SLC27A1: variants seen among roughly 807,000 people sequenced by gnomAD.
The protein encoded by SLC27A1 is solute carrier family 27 member 1.
A neutral mutation model predicts 62.2 loss-of-function variants in SLC27A1; 61 were observed. The observed-to-expected ratio is 0.98, with a 90% CI of 0.80 to 1.21. SLC27A1 has a LOEUF of 1.21. Ranked by LOEUF, SLC27A1 falls within the 50% of genes most tolerant of loss-of-function variation. The pLI, the probability that SLC27A1 is intolerant of heterozygous loss-of-function variation, is 0.00. For missense variants in SLC27A1, 903 were observed against 932.1 expected (o/e 0.97, Z 0.41); for synonymous variants, 435 against 408.6 (o/e 1.06, Z -0.78).
intron 6 of SLC27A1, among the ~76,000 whole-genome samples, chr19:17,489,592 C>T (rs999194527): frequency 1.7e-4 from 26 of 152,204 alleles, no homozygotes; most frequent in Non-Finnish European, 3.2e-4. Flanking sequence ...AAGGCAATGC[C>T]TTCCCCATGC....
intron 1 of SLC27A1, among the ~76,000 whole-genome samples, chr19:17,477,967 G>A (rs1877327180): frequency 6.6e-6 from 1 of 152,040 alleles, no homozygotes. Context: ...CCCTGTCTTG[G>A]CCTCCCAGAG....
At chr19:17,490,010 G>A (rs981189226) in intron 6 of SLC27A1, 3 of 152,340 alleles carry the variant, frequency 2.0e-5, no homozygotes, top group Non-Finnish European at 4.4e-5. Context: ...AGCAGGGGTT[G>A]GGGGCTCTGG....
At chr19:17,502,791 T>A (rs908926396) in intron 11 of SLC27A1, among the ~76,000 whole-genome samples, 1 of 152,022 alleles carries the variant, frequency 6.6e-6, no homozygotes, top group African/African-American at 2.4e-5. Context: ...GTTCAAATGA[T>A]CCTCCCACCT....
chr19:17,470,317 G>T (rs1260312319), upstream of SLC27A1: 1 of 508,870 alleles, frequency 2.0e-6, no homozygotes, highest in African/African-American at 2.0e-5. Context: ...GTTAGCGGGC[G>T]GGTGTAAAAG....
At chr19:17,481,150 C>G (rs1459877052) in intron 1 of SLC27A1, among the ~76,000 whole-genome samples, 1 of 151,520 alleles carries the variant, frequency 6.6e-6, no homozygotes, top group Non-Finnish European at 1.5e-5. Context: ...GTCTCGAACT[C>G]CCAACCTCAG....
chr19:17,485,725 G>A (rs2075222867), intron 1 of SLC27A1, among the ~76,000 whole-genome samples: 1 of 151,832 alleles, frequency 6.6e-6, no homozygotes, highest in Admixed American at 6.6e-5. Flanking sequence ...AGCTACTGTG[G>A]AGGCTGAGGC....
At chr19:17,469,421 T>C (rs906232376), upstream of SLC27A1, among the ~76,000 whole-genome samples, 2 of 151,604 alleles carry the variant, frequency 1.3e-5, no homozygotes, top group African/African-American at 4.8e-5. Context: ...TGGGATATTT[T>C]TGGTCCCCCG....
chr19:17,476,883 G>GTT (rs71162144), intron 1 of SLC27A1, among the ~76,000 whole-genome samples: 4,314 of 130,768 alleles, frequency 0.033, 262 homozygotes, highest in Non-Finnish European at 0.051. Flanking sequence ...ATGATCATCT[G>GTT]TTTTTTTTTT....
intron 6 of SLC27A1, among the ~76,000 whole-genome samples, chr19:17,489,509 G>A (rs1199689740): frequency 6.6e-6 from 1 of 152,076 alleles, no homozygotes; most frequent in Non-Finnish European, 1.5e-5. Context: ...TTGGAGGGTG[G>A]ACCCATTTTG....
intron 7 of SLC27A1, chr19:17,499,995 C>G: frequency 2.1e-6 from 1 of 482,408 alleles, no homozygotes; most frequent in Non-Finnish European, 3.7e-6. Flanking sequence ...AGTGTCCACA[C>G]AGAGGCATCT....
At position 17,470,552 on chromosome 19, in the gene SLC27A1, G is replaced by C. The variant is rs1389109886; in HGVS notation, c.12G>C (p.Pro4=). 1.3e-6 allele frequency: 2 copies of C among 1,560,142 alleles called. No individual in the cohort carries two copies. The highest frequency in any genetic ancestry group is 2.4e-5 in the East Asian group (1 of 42,156). The change falls in exon 1 of 12, where the codon CCG becomes CCC. Residue 4 remains proline (P), a synonymous_variant. Transcript: ENST00000252595. MRA[P]GAGAASVVSL... ...TCTGCTTCCCCAGGATGCGGGCTCCGGGTGCGGGCGCGGCCTCGGTGGTCT... is the reference window on the plus strand; with the variant it reads ...TCTGCTTCCCCAGGATGCGGGCTCCCGGTGCGGGCGCGGCCTCGGTGGTCT...
intron 1 of SLC27A1, among the ~76,000 whole-genome samples, chr19:17,482,653 A>G (rs2075190292): frequency 7.2e-6 from 1 of 138,860 alleles, no homozygotes; most frequent in African/African-American, 3.0e-5. Flanking sequence ...TCTGTCTCAA[A>G]AAAAAAAAAA....
chr19:17,490,406 G>A (rs148167714), intron 6 of SLC27A1, among the ~76,000 whole-genome samples: 5,881 of 151,994 alleles, frequency 0.039, 370 homozygotes, highest in African/African-American at 0.13. Flanking sequence ...CACCCACCTC[G>A]GACTCCCAAA....
chr19:17,504,449 C>T lies in SLC27A1; in HGVS notation c.1784-6C>T, dbSNP rs757788145. On this transcript the variant is annotated splice_region_variant and splice_polypyrimidine_tract_variant and intron_variant, in intron 11 of 11. Transcript: ENST00000252595. The stretch of plus-strand genomic sequence containing the variant: ...AGCCCTTATCTGCCCCCCATCCCCA[C>T]TATAGGCACCTTCAAGATCCAGAAG... The T allele has an allele frequency of 5.0e-6, 8 of 1,614,018 alleles. No individual in the cohort carries two copies. The African/African-American group carries it at 9.3e-5, about 19-fold the overall frequency.
intron 1 of SLC27A1, among the ~76,000 whole-genome samples, chr19:17,472,347 A>C (rs2075084639): frequency 6.7e-6 from 1 of 149,972 alleles, no homozygotes; most frequent in Non-Finnish European, 1.5e-5. Flanking sequence ...GTGAGCGGAG[A>C]TCATGCCACT....
rs529891703 is a variant in SLC27A1 at position 17,479,026 on chromosome 19, G to A, written c.168-7537G>A. On this transcript the variant is annotated intron_variant, in intron 1 of 11. Coordinates refer to ENST00000252595, the MANE Select transcript of SLC27A1 (RefSeq NM_198580.3). ...GCAGGAGGATCACTTGAGCCCTGGAGTTTGAGGCCGTAGTGAGTTATAATG... is the reference window on the plus strand; with the variant it reads ...GCAGGAGGATCACTTGAGCCCTGGAATTTGAGGCCGTAGTGAGTTATAATG... 4.6e-5 allele frequency among the ~76,000 whole-genome samples: 7 copies of A among 152,184 alleles called. No individual in the cohort carries two copies. In the South Asian group the frequency reaches 1.0e-3, roughly 23 times the overall value.
At chr19:17,493,562 T>C (rs1289696605) in intron 6 of SLC27A1, among the ~76,000 whole-genome samples, 1 of 152,076 alleles carries the variant, frequency 6.6e-6, no homozygotes, top group Non-Finnish European at 1.5e-5. Context: ...ACTGCTATTT[T>C]ATCTGTAGCA....
intron 1 of SLC27A1, among the ~76,000 whole-genome samples, chr19:17,476,941 T>C (rs921832601): frequency 6.9e-6 from 1 of 144,980 alleles, no homozygotes; most frequent in Non-Finnish European, 1.5e-5. Context: ...CAGGCTGGAG[T>C]GCAGTGGTGC....
At chr19:17,502,065 G>A (rs539112214) in intron 11 of SLC27A1, among the ~76,000 whole-genome samples, 329 of 147,852 alleles carry the variant, frequency 2.2e-3, no homozygotes, top group African/African-American at 6.5e-3. Context: ...GCAGTGAGCC[G>A]AGATCAGGCC....
Sources: allele counts gnomAD v4.1 joint callset (sites outside exome capture counted in the v4.1 genomes callset), GRCh38; gene constraint gnomAD v4.1.1; transcripts MANE v1.5; gene names NCBI Gene and HGNC (gene_info 2026-07-23, HGNC 2026-07-21).